MRTFA: variants seen among roughly 807,000 people sequenced by gnomAD.
MRTFA encodes myocardin-related transcription factor A.
A neutral mutation model predicts 83.5 loss-of-function variants in MRTFA; 20 were observed. That is an observed-to-expected ratio of 0.24 (90% CI 0.17 to 0.35). The LOEUF (loss-of-function observed/expected upper bound fraction) is 0.35. Among genes scored for constraint, MRTFA ranks in the 10% least tolerant of loss-of-function variants. The probability of loss-of-function intolerance (pLI) is 1.00; values close to 1 mark genes in which losing one functional copy is unlikely to be tolerated. For missense variants in MRTFA, 1,200 were observed against 1,224.7 expected, an observed-to-expected ratio of 0.98 and a Z score of 0.30; for synonymous variants, 659 against 541.2, an observed-to-expected ratio of 1.22 and a Z score of -3.02.
intron 2 of MRTFA, chr22:40,569,842 C>A (rs1401582637): frequency 1.3e-5 from 2 of 152,982 alleles, no homozygotes; most frequent in African/African-American, 4.8e-5. Context: ...CTGCCCTATA[C>A]CCTGGGCCTC....
At chr22:40,435,616 A>G (rs2053153360) in intron 4 of MRTFA, 62 bp from the exon 5 acceptor site, 6 of 1,566,842 alleles carry the variant, frequency 3.8e-6, no homozygotes, top group Non-Finnish European at 5.3e-6. Context: ...GTGCTACGAT[A>G]TTCAGTGGAG....
At chr22:40,459,830 C>CATACATATATATATATAT in intron 4 of MRTFA, among the ~76,000 whole-genome samples, 1 of 86,952 alleles carries the variant, frequency 1.2e-5, no homozygotes, top group South Asian at 5.2e-4. Context: ...CACATATATA[C>CATACATATATATATATAT]ATATATATAT....
In MRTFA at chr22:40,410,738, G is replaced by T. The variant is rs1023327960; in HGVS notation, c.*652C>A. 7 of 233,006 alleles carry T rather than the reference G, an allele frequency of 3.0e-5. No individual in the cohort carries two copies. Among genetic ancestry groups the T allele is most frequent in the Non-Finnish European group, 5.9e-5 (7 of 117,922 alleles). The allele number at this position is 233,006 out of a possible 1,614,324, so 14.4% of individuals were successfully genotyped here. On this transcript the variant is annotated 3_prime_UTR_variant, in exon 15 of 15. Transcript: ENST00000355630. ...TAACCTTGCATCCAGGCCCTTCTGTGAGAGTAGGATGGGAGGGAGTTGCAC... is the reference window on the plus strand; with the variant it reads ...TAACCTTGCATCCAGGCCCTTCTGTTAGAGTAGGATGGGAGGGAGTTGCAC...
At chr22:40,489,971 C>CAAAAA (rs55808950) in intron 3 of MRTFA, among the ~76,000 whole-genome samples, 67,733 of 104,558 alleles carry the variant, frequency 0.65, 21,144 homozygotes, top group East Asian at 0.95. Context: ...GACTCTGTCG[C>CAAAAA]AAAAAAAAAA....
At chr22:40,605,442 T>C (rs1386511117) in intron 1 of MRTFA, among the ~76,000 whole-genome samples, 1 of 152,174 alleles carries the variant, frequency 6.6e-6, no homozygotes, top group Non-Finnish European at 1.5e-5. Context: ...GGGAGTGGGA[T>C]GCCAGAAGAG....
At chr22:40,518,224 T>C (rs1041320129) in intron 3 of MRTFA, among the ~76,000 whole-genome samples, 1 of 152,132 alleles carries the variant, frequency 6.6e-6, no homozygotes, top group Non-Finnish European at 1.5e-5. Flanking sequence ...CTCTGATTTG[T>C]AGCCAACTCA....
intron 3 of MRTFA, among the ~76,000 whole-genome samples, chr22:40,490,553 T>C (rs139064): frequency 0.51 from 76,961 of 150,336 alleles, 20,507 homozygotes; most frequent in East Asian, 0.88. Flanking sequence ...GAGCAGGGAT[T>C]GCGCCACTGC....
intron 1 of MRTFA, among the ~76,000 whole-genome samples, chr22:40,628,557 C>T (rs903007549): frequency 6.6e-6 from 1 of 151,970 alleles, no homozygotes; most frequent in Non-Finnish European, 1.5e-5. Flanking sequence ...TCATTACAAG[C>T]TCTCATTTAC....
At chr22:40,608,512 G>A (rs940670153) in intron 1 of MRTFA, among the ~76,000 whole-genome samples, 2 of 152,190 alleles carry the variant, frequency 1.3e-5, no homozygotes, top group Non-Finnish European at 2.9e-5. Context: ...TGCACCAGGT[G>A]CTGTAGATGT....
At chr22:40,524,113 G>A (rs1375585181) in intron 3 of MRTFA, among the ~76,000 whole-genome samples, 3 of 152,098 alleles carry the variant, frequency 2.0e-5, no homozygotes, top group Non-Finnish European at 2.9e-5. Flanking sequence ...GGGCAACATA[G>A]TGAAAACCTG....
rs1188012956 is a variant in MRTFA, at chr22:40,410,725, C to T, written c.*665G>A. 1 of 233,078 alleles carries T rather than the reference C, an allele frequency of 4.3e-6. No homozygotes were observed. The highest frequency in any genetic ancestry group is 8.5e-6 in the Non-Finnish European group (1 of 117,908). The allele number at this position is 233,078 out of a possible 1,614,324, so 14.4% of individuals were successfully genotyped here. ...CACAGCTCAAGGGTAACCTTGCATC[C>T]AGGCCCTTCTGTGAGAGTAGGATGG... On this transcript the variant is annotated 3_prime_UTR_variant, in exon 15 of 15. Transcript: ENST00000355630.
chr22:40,603,267 A>C (rs569582073), intron 1 of MRTFA, among the ~76,000 whole-genome samples: 1 of 152,268 alleles, frequency 6.6e-6, no homozygotes, highest in South Asian at 2.1e-4. Context: ...CCCATAAAGA[A>C]CTACAGGAAT....
chr22:40,560,676 C>T (rs1489702824), intron 2 of MRTFA, among the ~76,000 whole-genome samples: 1 of 152,148 alleles, frequency 6.6e-6, no homozygotes, highest in Non-Finnish European at 1.5e-5. Context: ...TCAGTAACTC[C>T]AGTTTCTGGG....
intron 12 of MRTFA, 128 bp from the exon 13 acceptor site, chr22:40,417,621 G>A (rs1220754220): frequency 6.0e-6 from 4 of 669,402 alleles, no homozygotes; most frequent in Non-Finnish European, 9.9e-6. Flanking sequence ...GGGAGGCACT[G>A]GCTTTTAGGG....
intron 1 of MRTFA, among the ~76,000 whole-genome samples, chr22:40,608,577 T>C (rs2056346581): frequency 6.6e-6 from 1 of 152,218 alleles, no homozygotes; most frequent in African/African-American, 2.4e-5. Context: ...AAATCCATTT[T>C]ACAAATGAGG....
chr22:40,413,210 A>G (rs2052599574), intron 14 of MRTFA, among the ~76,000 whole-genome samples: 1 of 149,864 alleles, frequency 6.7e-6, no homozygotes, highest in Non-Finnish European at 1.5e-5. Flanking sequence ...TCATGCCAGC[A>G]CTTGGGAGGC....
At chr22:40,559,164 C>T (rs1189901329) in intron 2 of MRTFA, among the ~76,000 whole-genome samples, 1 of 152,124 alleles carries the variant, frequency 6.6e-6, no homozygotes, top group Non-Finnish European at 1.5e-5. Flanking sequence ...CCAAGGTGGG[C>T]AGATTGTTAG....
In MRTFA at chr22:40,419,234, T is replaced by C; in HGVS notation, c.1504A>G (p.Lys502Glu). ...AAGGCTACCACCACCTCGCCAGCCTTGTGCAGGATAGAGGTGGCGGCAGGG... is the reference window on the plus strand; with the variant it reads ...AAGGCTACCACCACCTCGCCAGCCTCGTGCAGGATAGAGGTGGCGGCAGGG... Residue 502 changes from lysine to glutamate, a missense_variant, in exon 12 of 15, where the codon AAG becomes GAG. Physicochemically the swap from Lys to Glu is moderately conservative, Grantham distance 56. This residue lies in a region of MRTFA where 1,107 missense variants were observed against 1,041.8 expected (regional missense o/e 1.06). Coordinates refer to ENST00000355630, the MANE Select transcript of MRTFA (RefSeq NM_020831.6). 2 of 1,609,910 alleles carry C rather than the reference T, an allele frequency of 1.2e-6. No individual in the cohort carries two copies. Among genetic ancestry groups the C allele is most frequent in the Non-Finnish European group, 1.7e-6 (2 of 1,178,266 alleles).
At chr22:40,477,195 A>G (rs942052677) in intron 3 of MRTFA, among the ~76,000 whole-genome samples, 1 of 146,722 alleles carries the variant, frequency 6.8e-6, no homozygotes, top group African/African-American at 2.6e-5. Flanking sequence ...AAAAAAAAAA[A>G]AAAAAATAGC....
Sources: gnomAD v4.1 joint callset for allele counts (sites outside exome capture counted in the v4.1 genomes callset) on GRCh38, gnomAD v4.1.1 for gene constraint, gnomAD v4.1.1 regional missense constraint, MANE v1.5 for transcripts, NCBI Gene and HGNC (gene_info 2026-07-23, HGNC 2026-07-21) for gene names.